The following TRMU variants were observed in gnomAD, a reference collection of about 807,000 sequenced individuals.
TRMU encodes the protein tRNA mitochondrial 2-thiouridylase.
Under a neutral mutation model 46.9 loss-of-function variants are expected in TRMU, and 49 were observed. The ratio of observed to expected loss-of-function variants is 1.05; its 90% confidence interval spans 0.83 to 1.33. The LOEUF (loss-of-function observed/expected upper bound fraction) is 1.33. TRMU is among the 40% of genes most tolerant of loss of function. The probability of loss-of-function intolerance (pLI) is 0.00; values close to 1 mark genes in which losing one functional copy is unlikely to be tolerated. For missense variants in TRMU, 572 were observed against 532.4 expected (o/e 1.07, Z -0.73); for synonymous variants, 241 against 200.9 (o/e 1.20, Z -1.69).
At chr22:46,343,420 C>A in intron 3 of TRMU, 52 bp downstream of exon 3, 1 of 1,377,694 alleles carries the variant, frequency 7.3e-7, no homozygotes, top group South Asian at 1.2e-5. Context: ...GGGTCTCGCT[C>A]TGTCACCCAG....
In TRMU at chr22:46,339,202, T is replaced by C. The variant is rs2078057288; in HGVS notation, c.248+1258T>C. ...CCTCGCTCTGTTGCCCAGGCTGGAGTGCAGTGGCGCAATCTTGGCTCACTG... is the reference window on the plus strand; with the variant it reads ...CCTCGCTCTGTTGCCCAGGCTGGAGCGCAGTGGCGCAATCTTGGCTCACTG... On this transcript the variant is annotated intron_variant, in intron 2 of 10. Transcript: ENST00000645190. The surrounding 1 kb of genome is among the most constrained non-coding windows in gnomAD (Gnocchi z 4.8). Among the ~76,000 whole-genome samples the C allele has an allele frequency of 2.6e-5, 4 of 152,092 alleles. No individual in the cohort carries two copies. Among genetic ancestry groups the C allele is most frequent in the Admixed American group, 1.3e-4 (2 of 15,274 alleles).
In TRMU at chr22:46,357,057, C is replaced by T. The variant is rs111830256; in HGVS notation, c.*51C>T. ...CTGGAGAGCAGGACCCATGGCTGGGCGGCTGGTGAGCAGTCCAGGTGCCCA... is the reference window on the plus strand; with the variant it reads ...CTGGAGAGCAGGACCCATGGCTGGGTGGCTGGTGAGCAGTCCAGGTGCCCA... On this transcript the variant is annotated 3_prime_UTR_variant, in exon 11 of 11. Coordinates refer to ENST00000645190, the MANE Select transcript of TRMU (RefSeq NM_018006.5). The T allele has an allele frequency of 3.2e-4, 510 of 1,609,740 alleles. 2 individuals are homozygous for T. The African/African-American group carries it at 3.3e-3, about 10-fold the overall frequency.
rs997054165 is a variant in TRMU at position 46,336,124 on chromosome 22, CGGGGTGGGGT to C, written c.82+283_82+292del. 5.6e-5 allele frequency: 74 copies of C among 1,313,278 alleles called. No homozygotes were observed. The African/African-American group carries it at 8.9e-4, about 16-fold the overall frequency. The allele number at this position is 1,313,278 out of a possible 1,614,324, so 81.4% of individuals were successfully genotyped here. ...CACCCACAGTGAGAAGCCGGCGGGC[CGGGGTGGGGT>C]GGGGAGGGAAGGGTTTCTCACGGAT... is the stretch of plus-strand genomic sequence containing the variant. On this transcript the variant is annotated intron_variant, in intron 1 of 10. Coordinates refer to ENST00000645190, the MANE Select transcript of TRMU (RefSeq NM_018006.5). This position sits in a 1 kb window ranked among gnomAD's most constrained non-coding sequence, Gnocchi z 4.1.
rs575702667 is a variant in TRMU at position 46,348,225 on chromosome 22, CTTACCTCCTAGAACA to C, written c.478+1697_478+1711del. Among the ~76,000 whole-genome samples the C allele has an allele frequency of 6.7e-4, 102 of 152,292 alleles. No individual in the cohort carries two copies. The highest frequency in any genetic ancestry group is 1.1e-3 in the Non-Finnish European group (77 of 68,014). On this transcript the variant is annotated intron_variant, in intron 4 of 10. Transcript: ENST00000645190. This position sits in a 1 kb window ranked among gnomAD's most constrained non-coding sequence, Gnocchi z 4.8. ...TTTCCATGTTGAATAGATGCGCCTG[CTTACCTCCTAGAACA>C]TTACCTCCTAGAACACTGTGTGCCC...
chr22:46,341,394 AATAAT>A (rs2078119803), intron 2 of TRMU, among the ~76,000 whole-genome samples: 1 of 152,098 alleles, frequency 6.6e-6, no homozygotes, highest in African/African-American at 2.4e-5. Flanking sequence ...GAAAGAGTGT[AATAAT>A]ATCAAGTGTT....
intron 3 of TRMU, among the ~76,000 whole-genome samples, chr22:46,346,075 T>C (rs1329442397): frequency 6.6e-6 from 1 of 152,184 alleles, no homozygotes; most frequent in Non-Finnish European, 1.5e-5. Flanking sequence ...CTGGCCTCCC[T>C]TCGTATTATC....
chr22:46,342,190 T>C lies in TRMU; in HGVS notation c.249-1072T>C, dbSNP rs748004444. 1.3e-5 allele frequency among the ~76,000 whole-genome samples: 2 copies of C among 152,258 alleles called. No homozygotes were observed. The highest frequency in any genetic ancestry group is 2.4e-5 in the African/African-American group (1 of 41,470). ...CGAAAGTATGGGCCTCTAGAACTTA[T>C]GACCAACTGGCTTCCAGTTGGGATT... On this transcript the variant is annotated intron_variant, in intron 2 of 10. Transcript: ENST00000645190. This position sits in a 1 kb window ranked among gnomAD's most constrained non-coding sequence, Gnocchi z 4.7.
chr22:46,353,914 G>A, intron 8 of TRMU, 47 bp downstream of exon 8: 2 of 1,571,322 alleles, frequency 1.3e-6, no homozygotes, highest in Non-Finnish European at 1.8e-6. Context: ...GTTCTGGCAG[G>A]GCCAGCAGTG....
chr22:46,340,463 A>T (rs553566806), intron 2 of TRMU, among the ~76,000 whole-genome samples: 5 of 152,366 alleles, frequency 3.3e-5, no homozygotes, highest in Non-Finnish European at 7.3e-5. Context: ...AGTTTAGCTC[A>T]GCTGAGGCCA....
rs1323151611 is a variant in TRMU at position 46,335,834 on chromosome 22, C to CTGAGGCGGAGAGG, written c.78_82+8dup. On this transcript the variant is annotated frameshift_variant, in exon 1 of 11. Coordinates refer to ENST00000645190, the MANE Select transcript of TRMU (RefSeq NM_018006.5). LOFTEE classifies it high-confidence loss of function. ...GGACAGCGCCGTGGCCGCGCTGCTG[C>CTGAGGCGGAGAGG]TGAGGCGGAGAGGTGAGGCGTCCGA... The CTGAGGCGGAGAGG allele has an allele frequency of 6.4e-7, 1 of 1,552,650 alleles. No homozygotes were observed. Among genetic ancestry groups the CTGAGGCGGAGAGG allele is most frequent in the Non-Finnish European group, 8.7e-7 (1 of 1,155,000 alleles).
chr22:46,338,176 T>A lies in TRMU; in HGVS notation c.248+232T>A. On this transcript the variant is annotated intron_variant, in intron 2 of 10. Transcript: ENST00000645190. The surrounding 1 kb of genome is among the most constrained non-coding windows in gnomAD (Gnocchi z 4.5). ...CACTCCTGTCATTTTGCCACTTGCCTGAAGTCTCTTTAATGCTTTCTTGGA... is the reference window on the plus strand; with the variant it reads ...CACTCCTGTCATTTTGCCACTTGCCAGAAGTCTCTTTAATGCTTTCTTGGA... The A allele has an allele frequency of 1.9e-6, 1 of 537,752 alleles. No individual in the cohort carries two copies. The highest frequency in any genetic ancestry group is 3.4e-6 in the Non-Finnish European group (1 of 297,662). 33.3% of individuals were successfully genotyped at this position (537,752 alleles called of 1,614,324 possible).
Position 46,349,866 on chromosome 22 carries a change from C to T in TRMU, c.479-425C>T, listed in dbSNP as rs1329545745. On this transcript the variant is annotated intron_variant, in intron 4 of 10. Transcript: ENST00000645190. The surrounding 1 kb of genome is among the most constrained non-coding windows in gnomAD (Gnocchi z 4.6). ...TAGAGTCCTTGAAACCACTGTGGCA[C>T]GAACACATCCTGTGGTTGTTGGAAG... Among the ~76,000 whole-genome samples the T allele has an allele frequency of 1.3e-5, 2 of 152,128 alleles. No homozygotes were observed. Among genetic ancestry groups the T allele is most frequent in the Admixed American group, 6.6e-5 (1 of 15,266 alleles).
At chr22:46,343,694 C>T (rs749824454) in intron 3 of TRMU, among the ~76,000 whole-genome samples, 1 of 152,152 alleles carries the variant, frequency 6.6e-6, no homozygotes, top group Non-Finnish European at 1.5e-5. Context: ...CTTGTGGAAC[C>T]TCCTGATACT....
chr22:46,343,403 A>G lies in TRMU; in HGVS notation c.355+35A>G, dbSNP rs773641409. ...TTGGGTTTAAAACATTTTTTTTTTT[A>G]AAGACAGGGTCTCGCTCTGTCACCC... On this transcript the variant is annotated intron_variant, in intron 3 of 10. Transcript: ENST00000645190. The G allele has an allele frequency of 3.0e-6, 4 of 1,336,352 alleles. No homozygotes were observed. In the East Asian group the frequency reaches 9.6e-5, roughly 32 times the overall value. The allele number at this position is 1,336,352 out of a possible 1,614,324, so 82.8% of individuals were successfully genotyped here. A position where few individuals can be genotyped will look rare whatever the true frequency, so the allele number is the denominator to read the frequency against.
At position 46,350,115 on chromosome 22, in the gene TRMU, C is replaced by T. The variant is rs1245064933; in HGVS notation, c.479-176C>T. Among the ~76,000 whole-genome samples the T allele has an allele frequency of 2.7e-5, 4 of 148,158 alleles. No homozygotes were observed. The highest frequency in any genetic ancestry group is 7.5e-5 in the African/African-American group (3 of 39,930). On this transcript the variant is annotated intron_variant, in intron 4 of 10. Coordinates refer to ENST00000645190, the MANE Select transcript of TRMU (RefSeq NM_018006.5). The surrounding 1 kb of genome is among the most constrained non-coding windows in gnomAD (Gnocchi z 4.6). ...ATCCTTGTTTTTTTTTTTGGAGGTGCGAATTTTTCTTACATTAACCCGTGG... is the reference window on the plus strand; with the variant it reads ...ATCCTTGTTTTTTTTTTTGGAGGTGTGAATTTTTCTTACATTAACCCGTGG...
chr22:46,350,799 C>T lies in TRMU; in HGVS notation c.651+336C>T, dbSNP rs560090240. The stretch of plus-strand genomic sequence containing the variant: ...CAGGCAGTGTGATGCAGCCCCGAGA[C>T]CCCTGGAGGGGCAGGTGCTGTGCCG... On this transcript the variant is annotated intron_variant, in intron 5 of 10. Transcript: ENST00000645190. The surrounding 1 kb of genome is among the most constrained non-coding windows in gnomAD (Gnocchi z 4.6). Among the ~76,000 whole-genome samples, 1 of 152,188 alleles carries T rather than the reference C, an allele frequency of 6.6e-6. No individual in the cohort carries two copies. The highest frequency in any genetic ancestry group is 2.1e-4 in the South Asian group (1 of 4,832).
chr22:46,335,935 C>G, intron 1 of TRMU, 89 bp downstream of exon 1: 1 of 1,509,674 alleles, frequency 6.6e-7, no homozygotes, highest in East Asian at 2.5e-5. Flanking sequence ...CACGTCTCCT[C>G]CCTCCCTGGG....
At position 46,338,250 on chromosome 22, in the gene TRMU, G is replaced by C. The variant is rs1358349492; in HGVS notation, c.248+306G>C. ...GTTAGGATAGGGGAGCTAAGGCTGAGGGCTCCCCTGGAAGGTGAGCACCAA... is the reference window on the plus strand; with the variant it reads ...GTTAGGATAGGGGAGCTAAGGCTGACGGCTCCCCTGGAAGGTGAGCACCAA... On this transcript the variant is annotated intron_variant, in intron 2 of 10. Coordinates refer to ENST00000645190, the MANE Select transcript of TRMU (RefSeq NM_018006.5). This position sits in a 1 kb window ranked among gnomAD's most constrained non-coding sequence, Gnocchi z 4.5. 7.5e-6 allele frequency: 3 copies of C among 398,254 alleles called. No homozygotes were observed. Among genetic ancestry groups the C allele is most frequent in the African/African-American group, 6.2e-5 (3 of 48,776 alleles). 24.7% of individuals were successfully genotyped at this position (398,254 alleles called of 1,614,324 possible). A position where few individuals can be genotyped will look rare whatever the true frequency, so the allele number is the denominator to read the frequency against.
Position 46,352,312 on chromosome 22 carries a change from G to A in TRMU, c.754G>A (p.Val252Ile). 2 of 1,614,018 alleles carry A rather than the reference G, an allele frequency of 1.2e-6. No individual in the cohort carries two copies. Among genetic ancestry groups the A allele is most frequent in the Non-Finnish European group, 1.7e-6 (2 of 1,180,026 alleles). The change falls in exon 7 of 11, where the codon GTT (valine) becomes ATT (isoleucine). Residue 252 changes from valine to isoleucine, a missense_variant. Transcript: ENST00000645190. ...GHFISIEDNK[V>I]LGTHKGWFLY... is the part of the protein sequence containing the mutation. ...CTTTATTTCCATAGAAGACAATAAG[G>A]TTCTGGGAACACATAAAGGTGAGGT...
Sources: allele counts gnomAD v4.1 joint callset (sites outside exome capture counted in the v4.1 genomes callset), GRCh38; gene constraint gnomAD v4.1.1; non-coding constraint Gnocchi (gnomAD v3.1); transcripts MANE v1.5; gene names NCBI Gene and HGNC (gene_info 2026-07-23, HGNC 2026-07-21).